The following ANO4 variants were observed in gnomAD, a reference collection of about 807,000 sequenced individuals.
The protein encoded by ANO4 is anoctamin 4, also known as anoctamin-4.
In ANO4, 69 loss-of-function variants were observed where a neutral mutation model predicts 141.9. That is an observed-to-expected ratio of 0.49 (90% CI 0.40 to 0.59). ANO4 has a LOEUF of 0.59. Among genes scored for constraint, ANO4 ranks in the 20% least tolerant of loss-of-function variants. The pLI, the probability that ANO4 is intolerant of heterozygous loss-of-function variation, is 0.00. For synonymous variants in ANO4, 350 were observed against 394.3 expected, an observed-to-expected ratio of 0.89 and a Z score of 1.33; for missense variants, 894 against 1,162.2, an observed-to-expected ratio of 0.77 and a Z score of 3.36.
chr12:100,790,075 A>T (rs954753368), upstream of ANO4, among the ~76,000 whole-genome samples: 1 of 152,150 alleles, frequency 6.6e-6, no homozygotes, highest in East Asian at 1.9e-4. Context: ...GTGGGGAGGG[A>T]TTCTCCAGGG....
At chr12:100,819,376 A>G (rs961409861) in intron 1 of ANO4, among the ~76,000 whole-genome samples, 4 of 151,940 alleles carry the variant, frequency 2.6e-5, no homozygotes, top group East Asian at 1.9e-4. Context: ...GGGAAAAGCT[A>G]TGTAATGTTG....
chr12:100,879,314 G>T (rs373922402), intron 1 of ANO4, among the ~76,000 whole-genome samples: 15 of 152,252 alleles, frequency 9.9e-5, no homozygotes, highest in African/African-American at 3.1e-4. Context: ...TCTAGGTAAA[G>T]GAACAAGAAA....
At chr12:100,723,791 C>A (rs1177299634) in intron 1 of ANO4, among the ~76,000 whole-genome samples, 1 of 152,102 alleles carries the variant, frequency 6.6e-6, no homozygotes, top group Non-Finnish European at 1.5e-5. Flanking sequence ...GCCCCATCCC[C>A]AAATACTATC....
intron 1 of ANO4, among the ~76,000 whole-genome samples, chr12:100,800,487 G>T (rs937793283): frequency 6.6e-6 from 1 of 152,178 alleles, no homozygotes; most frequent in Non-Finnish European, 1.5e-5. Flanking sequence ...TTTCCCTGTG[G>T]TTATTCCATT....
At chr12:101,079,159 C>CA (rs759847264) in intron 14 of ANO4, 34 bp from the exon 15 acceptor site, 132 of 1,589,746 alleles carry the variant, frequency 8.3e-5, no homozygotes, top group Admixed American at 2.2e-4. Flanking sequence ...TACTTTTATT[C>CA]AAAAATGTCT....
chr12:100,870,953 C>T, intron 1 of ANO4, among the ~76,000 whole-genome samples: 1 of 152,090 alleles, frequency 6.6e-6, no homozygotes, highest in Non-Finnish European at 1.5e-5. Flanking sequence ...TATACTTATT[C>T]TCTGCCTTCA....
intron 14 of ANO4, 71 bp downstream of exon 14, chr12:101,048,472 A>C: frequency 5.1e-6 from 7 of 1,371,604 alleles, no homozygotes; most frequent in Non-Finnish European, 7.1e-6. Context: ...TAGAAGTTTC[A>C]CTTTGGATGT....
At chr12:100,838,229 C>CAAAAAAA (rs11331726) in intron 1 of ANO4, among the ~76,000 whole-genome samples, 1 of 84,242 alleles carries the variant, frequency 1.2e-5, no homozygotes, top group Non-Finnish European at 2.3e-5. Context: ...GACTCCGTCT[C>CAAAAAAA]AAAAAAAAAA....
intron 1 of ANO4, among the ~76,000 whole-genome samples, chr12:100,730,791 C>T (rs901612700): frequency 7.2e-5 from 11 of 151,936 alleles, no homozygotes; most frequent in African/African-American, 2.2e-4. Flanking sequence ...AAAGAGTTGG[C>T]CACATACACT....
intron 1 of ANO4, among the ~76,000 whole-genome samples, chr12:100,814,240 A>G (rs1270617694): frequency 6.6e-5 from 10 of 152,338 alleles, no homozygotes; most frequent in African/African-American, 2.2e-4. Context: ...TATAATTTAC[A>G]TATCATATAA....
At chr12:100,937,403 G>A (rs898482028) in intron 3 of ANO4, among the ~76,000 whole-genome samples, 7 of 152,178 alleles carry the variant, frequency 4.6e-5, no homozygotes, top group African/African-American at 1.7e-4. Context: ...AATTATGGGA[G>A]GGAGATCTTT....
Position 100,798,596 on chromosome 12 carries a change from T to G in ANO4, c.-141+3569T>G, listed in dbSNP as rs186245027. Among the ~76,000 whole-genome samples the G allele has an allele frequency of 2.8e-3, 429 of 152,304 alleles. 5 individuals carry two copies. Among genetic ancestry groups the G allele is most frequent in the African/African-American group, 9.6e-3 (397 of 41,558 alleles). ...GTTTTGCAGGGAAAAAAACATGTCC[T>G]CAGTAGCATAATAATCTATCCAGAC... On this transcript the variant is annotated intron_variant, in intron 1 of 27. Transcript: ENST00000392977.
chr12:100,888,481 C>A (rs1396665936), intron 1 of ANO4, among the ~76,000 whole-genome samples: 1 of 152,230 alleles, frequency 6.6e-6, no homozygotes, highest in Non-Finnish European at 1.5e-5. Context: ...AAGGGGCTAC[C>A]CAATAGGAGT....
intron 14 of ANO4, among the ~76,000 whole-genome samples, chr12:101,063,516 T>C (rs2048435044): frequency 1.3e-5 from 2 of 152,200 alleles, no homozygotes; most frequent in Admixed American, 1.3e-4. Context: ...ATGAGGGTTA[T>C]TGGCCTGTAA....
intron 7 of ANO4, among the ~76,000 whole-genome samples, chr12:100,977,045 C>G (rs923818272): frequency 6.6e-6 from 1 of 152,282 alleles, no homozygotes; most frequent in South Asian, 2.1e-4. Context: ...AAGTTTTTCA[C>G]ATTTATAAAA....
intron 26 of ANO4, 36 bp from the exon 27 acceptor site, chr12:101,126,843 G>A (rs763075187): frequency 3.7e-5 from 58 of 1,581,508 alleles, no homozygotes; most frequent in Non-Finnish European, 4.4e-5. Flanking sequence ...AGGATGCACA[G>A]TAGACCTGAC....
At chr12:101,110,353 T>C (rs1380924788) in intron 22 of ANO4, 51 bp from the exon 23 acceptor site, 1 of 1,511,590 alleles carries the variant, frequency 6.6e-7, no homozygotes, top group South Asian at 1.4e-5. Context: ...CCTTTGAAAA[T>C]AGTAATGGAA....
At chr12:100,827,684 T>A (rs1463096861) in intron 1 of ANO4, among the ~76,000 whole-genome samples, 1 of 151,912 alleles carries the variant, frequency 6.6e-6, no homozygotes, top group African/African-American at 2.4e-5. Context: ...TTATAATCAT[T>A]TATCAGATTA....
chr12:101,078,653 A>T (rs1259252489), intron 14 of ANO4, among the ~76,000 whole-genome samples: 1 of 152,176 alleles, frequency 6.6e-6, no homozygotes, highest in East Asian at 1.9e-4. Context: ...GACTCCTTCC[A>T]GTAAAACAGG....
Sources: allele counts gnomAD v4.1 joint callset (sites outside exome capture counted in the v4.1 genomes callset), GRCh38; gene constraint gnomAD v4.1.1; transcripts MANE v1.5; gene names NCBI Gene and HGNC (gene_info 2026-07-23, HGNC 2026-07-21).